The following ACAD10 variants were observed in gnomAD, a reference collection of about 807,000 sequenced individuals.
ACAD10 encodes ACAD-10.
Under a neutral mutation model 116.8 loss-of-function variants are expected in ACAD10, and 112 were observed. That is an observed-to-expected ratio of 0.96 (90% confidence interval 0.82 to 1.12). The LOEUF (loss-of-function observed/expected upper bound fraction) is 1.12, where lower values mean the gene tolerates loss of function less well. Ranked by LOEUF, ACAD10 falls within the 50% of genes most tolerant of loss-of-function variation. The pLI is 0.00. For synonymous variants in ACAD10, 486 were observed against 510.6 expected, an observed-to-expected ratio of 0.95 and a Z score of 0.65; for missense variants, 1,259 against 1,350.2, an observed-to-expected ratio of 0.93 and a Z score of 1.06.
chr12:111,756,078 C>T, intron 20 of ACAD10: 1 of 1,327,744 alleles, frequency 7.5e-7, no homozygotes, highest in Non-Finnish European at 9.9e-7. Flanking sequence ...GGGCCGCCTC[C>T]TTAGATCCTA....
At chr12:111,734,771 G>A (rs530292464) in intron 11 of ACAD10, among the ~76,000 whole-genome samples, 2 of 152,272 alleles carry the variant, frequency 1.3e-5, no homozygotes, top group Admixed American at 1.3e-4. Flanking sequence ...TTTCTTCTGT[G>A]TGTATATGTA....
chr12:111,752,979 A>G (rs963379099), intron 18 of ACAD10: 2 of 158,174 alleles, frequency 1.3e-5, no homozygotes, highest in Admixed American at 6.1e-5. Flanking sequence ...CCCTGTCTCT[A>G]CAAAAAATTG....
intron 2 of ACAD10, among the ~76,000 whole-genome samples, chr12:111,700,471 T>C (rs1396764340): frequency 1.3e-5 from 2 of 152,190 alleles, no homozygotes; most frequent in Non-Finnish European, 2.9e-5. Context: ...CATTTCAGAT[T>C]TTGACAGAAA....
chr12:111,721,573 A>G, intron 7 of ACAD10, 98 bp from the exon 8 acceptor site: 2 of 1,228,050 alleles, frequency 1.6e-6, no homozygotes, highest in Non-Finnish European at 2.3e-6. Flanking sequence ...GTCTCAAAAA[A>G]CAAAACAAAC....
In ACAD10 at chr12:111,701,384, A is replaced by G. The variant is rs1396467477; in HGVS notation, c.188-778A>G. Among the ~76,000 whole-genome samples the G allele has an allele frequency of 9.4e-5, 14 of 149,116 alleles. No individual in the cohort carries two copies. In the Admixed American group the frequency reaches 9.4e-4, roughly 10 times the overall value. ...AGAAATTTCCTTCTTGGCCAGGCAC[A>G]GTGGCTCACACCTGTAATCACACAC... On this transcript the variant is annotated intron_variant, in intron 2 of 20. Transcript: ENST00000313698.
At position 111,700,312 on chromosome 12, in the gene ACAD10, A is replaced by T. The variant is rs1016726075; in HGVS notation, c.188-1850A>T. 3.3e-5 allele frequency among the ~76,000 whole-genome samples: 5 copies of T among 152,246 alleles called. No homozygotes were observed. The East Asian group carries it at 7.7e-4, about 23-fold the overall frequency. On this transcript the variant is annotated intron_variant, in intron 2 of 20. Coordinates refer to ENST00000313698, the MANE Select transcript of ACAD10 (RefSeq NM_025247.6). ...TGAATATATCATAATTGATGTAATAAACACCTTATTAGTATACATTTAACT... is the reference window on the plus strand; with the variant it reads ...TGAATATATCATAATTGATGTAATATACACCTTATTAGTATACATTTAACT...
chr12:111,697,475 C>G (rs1185995036), intron 2 of ACAD10, among the ~76,000 whole-genome samples: 2 of 150,950 alleles, frequency 1.3e-5, no homozygotes, highest in East Asian at 3.9e-4. Context: ...ATTCTCGTGC[C>G]TCAGCCTCCC....
At chr12:111,730,623 C>T (rs1889358394) in intron 10 of ACAD10, among the ~76,000 whole-genome samples, 1 of 151,820 alleles carries the variant, frequency 6.6e-6, no homozygotes, top group Non-Finnish European at 1.5e-5. Context: ...TTTTCTGCTT[C>T]GCAGCACCTG....
In ACAD10 at chr12:111,709,546, A is replaced by G. The variant is rs1410979939; in HGVS notation, c.552A>G (p.Glu184=). 3 of 1,605,782 alleles carry G rather than the reference A, an allele frequency of 1.9e-6. No individual in the cohort carries two copies. In the Admixed American group the frequency reaches 5.2e-5, roughly 28 times the overall value. ...ATCAGATTGTGGAGTCCTGCATGGA[A>G]GGGATCTGTAAGCCAGACCCTAGGA... ...QFDVIVESCM[E]GICKPDPRIY... is the part of the protein sequence containing the mutation. Residue 184 remains glutamate, a synonymous_variant, in exon 5 of 21, where the codon GAA becomes GAG. Coordinates refer to ENST00000313698, the MANE Select transcript of ACAD10 (RefSeq NM_025247.6).
intron 7 of ACAD10, among the ~76,000 whole-genome samples, chr12:111,717,346 CA>C (rs779938001): frequency 0.027 from 2,083 of 76,860 alleles, 37 homozygotes; most frequent in African/African-American, 0.08. Flanking sequence ...GACCCTGTCT[CA>C]AAAAAAAAAA....
At chr12:111,746,117 T>C in intron 13 of ACAD10, 27 bp from the exon 14 acceptor site, 4 of 1,602,238 alleles carry the variant, frequency 2.5e-6, no homozygotes, top group African/African-American at 1.4e-5. Flanking sequence ...TCCACTGTGG[T>C]TTCCTGACTT....
chr12:111,686,632 C>T (rs537175483), intron 1 of ACAD10, among the ~76,000 whole-genome samples: 33 of 152,316 alleles, frequency 2.2e-4, no homozygotes, highest in African/African-American at 7.9e-4. Flanking sequence ...AGGAGAATCG[C>T]TTGAACCCGG....
At chr12:111,698,297 CTT>C (rs1253211670) in intron 2 of ACAD10, among the ~76,000 whole-genome samples, 2 of 119,784 alleles carry the variant, frequency 1.7e-5, no homozygotes, top group Non-Finnish European at 3.5e-5. Flanking sequence ...TGCATCTGGC[CTT>C]TTTTTTTTTT....
rs1275476877 is a variant in ACAD10 at position 111,723,690 on chromosome 12, C to T, written c.1061+1951C>T. ...CGGACGGGGCGGGGGGCTGACCCCC[C>T]CCCCCACCTCCCTCCCGGACGGGGT... is the stretch of plus-strand genomic sequence containing the variant. On this transcript the variant is annotated intron_variant, in intron 8 of 20. Transcript: ENST00000313698. 1.5e-4 allele frequency among the ~76,000 whole-genome samples: 22 copies of T among 149,018 alleles called. No homozygotes were observed. In the South Asian group the frequency reaches 4.0e-3, roughly 27 times the overall value.
chr12:111,700,741 T>C (rs576234128), intron 2 of ACAD10, among the ~76,000 whole-genome samples: 145 of 149,672 alleles, frequency 9.7e-4, no homozygotes, highest in African/African-American at 3.4e-3. Flanking sequence ...CTTCCTTCCT[T>C]CCTCTTCTTT....
intron 7 of ACAD10, among the ~76,000 whole-genome samples, chr12:111,716,217 A>C (rs545412306): frequency 1.4e-3 from 218 of 150,466 alleles, no homozygotes; most frequent in Non-Finnish European, 2.2e-3. Flanking sequence ...ATCCCCCCCC[A>C]AAAAAAAGCC....
intron 2 of ACAD10, among the ~76,000 whole-genome samples, chr12:111,697,586 T>C (rs970357621): frequency 4.6e-4 from 66 of 142,840 alleles, no homozygotes; most frequent in Non-Finnish European, 6.6e-4. Flanking sequence ...GTCTCTCTCT[T>C]TTTTTTTTTT....
chr12:111,738,930 A>G (rs750221976), intron 12 of ACAD10, among the ~76,000 whole-genome samples: 18 of 139,228 alleles, frequency 1.3e-4, no homozygotes, highest in Non-Finnish European at 2.4e-4. Flanking sequence ...CAAAGAGACA[A>G]AGTCTCATTG....
intron 2 of ACAD10, among the ~76,000 whole-genome samples, chr12:111,697,558 G>A (rs1269232217): frequency 2.2e-4 from 33 of 147,356 alleles, no homozygotes; most frequent in African/African-American, 7.5e-5. Flanking sequence ...ACAGGGTTTC[G>A]CCATGTTGAC....
Sources: gnomAD v4.1 joint callset for allele counts (sites outside exome capture counted in the v4.1 genomes callset) on GRCh38, gnomAD v4.1.1 for gene constraint, MANE v1.5 for transcripts, NCBI Gene and HGNC (gene_info 2026-07-23, HGNC 2026-07-21) for gene names.